The following PRAMEF4 variants were observed in gnomAD, a reference collection of about 807,000 sequenced individuals.
The protein encoded by PRAMEF4 is RP5-845O24.6.
In PRAMEF4, 18 loss-of-function variants were observed where a neutral mutation model predicts 34.4. The observed-to-expected ratio is 0.52, with a 90% CI of 0.36 to 0.78. PRAMEF4 has a LOEUF of 0.78. Ranked by LOEUF, PRAMEF4 falls within the 30% of genes least tolerant of loss-of-function variation. PRAMEF4 has a pLI of 0.00. For synonymous variants in PRAMEF4, 156 were observed against 219.3 expected, an observed-to-expected ratio of 0.71 and a Z score of 2.55; for missense variants, 482 against 569.1, an observed-to-expected ratio of 0.85 and a Z score of 1.56.
intron 1 of PRAMEF4, among the ~76,000 whole-genome samples, chr1:12,885,550 G>A (rs1186575287): frequency 1.4e-5 from 2 of 148,078 alleles, no homozygotes; most frequent in Non-Finnish European, 3.0e-5. Context: ...GGAGGCCAAG[G>A]CAGGTGGATC....
chr1:12,885,172 C>A (rs1640976770), intron 1 of PRAMEF4, among the ~76,000 whole-genome samples: 1 of 150,582 alleles, frequency 6.6e-6, no homozygotes, highest in Non-Finnish European at 1.5e-5. Context: ...CTTCGTCGCC[C>A]AGGCTGGAGT....
At chr1:12,880,271 C>T (rs1640862947) in intron 3 of PRAMEF4, among the ~76,000 whole-genome samples, 166 bp from the exon 4 acceptor site, 1 of 151,368 alleles carries the variant, frequency 6.6e-6, no homozygotes. Flanking sequence ...AAGAGCTTTG[C>T]CACCGAGGTC....
At chr1:12,882,705 C>T (rs2982183) in intron 2 of PRAMEF4, among the ~76,000 whole-genome samples, 3,128 of 147,908 alleles carry the variant, frequency 0.021, 172 homozygotes, top group Non-Finnish European at 0.032. Context: ...ATTCTCCTGC[C>T]TCAACCTCAC....
In PRAMEF4 at chr1:12,883,433, A is replaced by G. The variant is rs754501102; in HGVS notation, c.-16-23T>C. On this transcript the variant is annotated intron_variant, in intron 1 of 3. Transcript: ENST00000235349. ...AAACTTCCAGAGGACAAACCCAGAG[A>G]AAAGGCATCTCTCTCGGGCCAAGCC... 18 of 1,600,704 alleles carry G rather than the reference A, an allele frequency of 1.1e-5. 3 individuals are homozygous for G. In the Admixed American group the frequency reaches 2.8e-4, roughly 25 times the overall value.
chr1:12,883,888 TCTTCTTTC>T (rs1253646736), intron 1 of PRAMEF4, among the ~76,000 whole-genome samples: 9 of 143,266 alleles, frequency 6.3e-5, no homozygotes, highest in South Asian at 2.3e-4. Flanking sequence ...TCTCTCTCTT[TCTTCTTTC>T]CTTCTTTCCC....
chr1:12,884,718 C>A (rs564440450), intron 1 of PRAMEF4, among the ~76,000 whole-genome samples: 3,112 of 148,134 alleles, frequency 0.021, 221 homozygotes, highest in African/African-American at 0.075. Context: ...AACAGAGAGA[C>A]AGAGAGAGCT....
intron 3 of PRAMEF4, among the ~76,000 whole-genome samples, chr1:12,880,364 T>G (rs1384889463): frequency 6.6e-6 from 1 of 150,496 alleles, no homozygotes; most frequent in African/African-American, 2.5e-5. Context: ...TTCCTTGAGA[T>G]CAGGAGTTTG....
chr1:12,881,501 G>A (rs1640886737), intron 3 of PRAMEF4, among the ~76,000 whole-genome samples: 1 of 148,124 alleles, frequency 6.8e-6, no homozygotes, highest in African/African-American at 2.5e-5. Flanking sequence ...AAAGTGATAG[G>A]ATTACAGGCA....
At position 12,882,036 on chromosome 1, in the gene PRAMEF4, G is replaced by A. The variant is rs771841591; in HGVS notation, c.693C>T (p.Gly231=). The A allele has an allele frequency of 1.3e-6, 2 of 1,590,246 alleles. No homozygotes were observed. The highest frequency in any genetic ancestry group is 1.7e-6 in the Non-Finnish European group (2 of 1,173,384). ...TGAGTTTCTGAAGATTCCTCATGTG[G>A]CCCAGGTATGGGGTAAACTGTGTCA... ...PILTQFTPYL[G]HMRNLQKLIL... Residue 231 remains glycine, a synonymous_variant, in exon 3 of 4, where the codon GGC becomes GGT. Coordinates refer to ENST00000235349, the MANE Select transcript of PRAMEF4 (RefSeq NM_001009611.4).
chr1:12,880,297 C>A (rs1452756964), intron 3 of PRAMEF4, among the ~76,000 whole-genome samples, 192 bp from the exon 4 acceptor site: 1 of 150,810 alleles, frequency 6.6e-6, no homozygotes, highest in Non-Finnish European at 1.5e-5. Context: ...CACTTTAGAC[C>A]CGGCCCAGTA....
At chr1:12,883,076 C>G in intron 2 of PRAMEF4, 26 bp downstream of exon 2, 1 of 1,599,442 alleles carries the variant, frequency 6.3e-7, no homozygotes, top group Non-Finnish European at 8.5e-7. Context: ...TGGGCCCTCC[C>G]CACCAGCCCA....
intron 2 of PRAMEF4, among the ~76,000 whole-genome samples, chr1:12,882,692 A>G (rs1312753044): frequency 6.8e-6 from 1 of 147,540 alleles, no homozygotes; most frequent in Non-Finnish European, 1.5e-5. Context: ...CCAGATTCAA[A>G]TGATTCTCCT....
rs146799059 is a variant in PRAMEF4 at position 12,882,985 on chromosome 1, T to G, written c.293+117A>C. The stretch of plus-strand genomic sequence containing the variant: ...CCTGAGGAGCTGGTGAATGGCCAAG[T>G]CCTCTCGGCTTCCTCACCACCACCA... On this transcript the variant is annotated intron_variant, in intron 2 of 3. Coordinates refer to ENST00000235349, the MANE Select transcript of PRAMEF4 (RefSeq NM_001009611.4). 1.2e-4 allele frequency: 168 copies of G among 1,450,144 alleles called. 10 individuals carry two copies. The East Asian group carries it at 1.6e-3, about 14-fold the overall frequency. The allele number at this position is 1,450,144 out of a possible 1,614,324, so 89.8% of individuals were successfully genotyped here.
chr1:12,885,015 C>T (rs560407072), intron 1 of PRAMEF4, among the ~76,000 whole-genome samples: 2 of 150,548 alleles, frequency 1.3e-5, no homozygotes, highest in East Asian at 2.0e-4. Context: ...TCCTTGGCCA[C>T]ATCAAATTTA....
chr1:12,882,193 A>G lies in PRAMEF4; in HGVS notation c.536T>C (p.Leu179Ser), dbSNP rs1457245699. 1.9e-6 allele frequency: 3 copies of G among 1,584,742 alleles called. No homozygotes were observed. Among genetic ancestry groups the G allele is most frequent in the South Asian group, 2.2e-5 (2 of 90,140 alleles). ...LLLWVKQRKDLLHLCCKKLKI... is the reference protein window; with the variant it reads ...LLLWVKQRKDSLHLCCKKLKI... Reference sequence around the variant, plus strand: ...CAGCTTCTTACAGCACAGGTGTAGTAAATCTTTCCTCTGCTTGACCCATAG... The same window carrying G: ...CAGCTTCTTACAGCACAGGTGTAGTGAATCTTTCCTCTGCTTGACCCATAG... The change falls in exon 3 of 4, where the codon TTA becomes TCA. Residue 179 changes from leucine to serine, a missense_variant. Physicochemically the swap from Leu to Ser is moderately radical, Grantham distance 145. This residue lies in a region of PRAMEF4 where 72 missense variants were observed against 128.9 expected (regional missense o/e 0.56). Transcript: ENST00000235349.
intron 2 of PRAMEF4, among the ~76,000 whole-genome samples, chr1:12,882,713 C>T (rs200192879): frequency 6.8e-6 from 1 of 148,072 alleles, no homozygotes; most frequent in Non-Finnish European, 1.5e-5. Flanking sequence ...GCCTCAACCT[C>T]ACAAGTAGCT....
chr1:12,879,740 A>G lies in PRAMEF4; in HGVS notation c.1241T>C (p.Leu414Pro). 6.2e-7 allele frequency: 1 copy of G among 1,603,360 alleles called. No individual in the cohort carries two copies. The highest frequency in any genetic ancestry group is 8.5e-7 in the Non-Finnish European group (1 of 1,175,560). Residue 414 changes from leucine to proline, a missense_variant, in exon 4 of 4, where the codon CTG becomes CCG. By Grantham distance (98) the Leu-to-Pro change is moderately conservative. Around this residue, in one of 6 missense-constraint regions of PRAMEF4, gnomAD observed 116 missense variants for 105.2 expected, o/e 1.10. Coordinates refer to ENST00000235349, the MANE Select transcript of PRAMEF4 (RefSeq NM_001009611.4). ...TIILKNLCVE[L>P]YPAPRESYGA... ...ATAACTCTCCCGGGGGGCAGGATAC[A>G]GCTCCACGCATAAGTTTTTGAGTAT...
At position 12,883,384 on chromosome 1, in the gene PRAMEF4, C is replaced by G. The variant is rs543485648; in HGVS notation, c.11G>C (p.Ser4Thr). 6.2e-7 allele frequency: 1 copy of G among 1,601,256 alleles called. No individual in the cohort carries two copies. The highest frequency in any genetic ancestry group is 8.5e-7 in the Non-Finnish European group (1 of 1,173,948). Residue 4 changes from serine (S) to threonine (T), a missense_variant, in exon 2 of 4, where the codon AGC (serine) becomes ACC (threonine). Physicochemically the swap from Ser to Thr is moderately conservative, Grantham distance 58 (BLOSUM62 1). Transcript: ENST00000235349. ...CAGGAGTCTGGGTGGAGTCCAGATG[C>G]TCATCTTCATGAATCTGCAGGGAAA... MKM[S>T]IWTPPRLLEL...
intron 1 of PRAMEF4, among the ~76,000 whole-genome samples, chr1:12,883,840 AT>A (rs1640942350): frequency 6.9e-6 from 1 of 145,620 alleles, no homozygotes; most frequent in African/African-American, 2.5e-5. Flanking sequence ...AACAGGTTCT[AT>A]TTGTTTTCTT....
Sources: allele counts gnomAD v4.1 joint callset (sites outside exome capture counted in the v4.1 genomes callset), GRCh38; gene constraint gnomAD v4.1.1; regional missense constraint gnomAD v4.1.1; transcripts MANE v1.5; gene names NCBI Gene and HGNC (gene_info 2026-07-23, HGNC 2026-07-21).